The following GRIA4 variants were observed in gnomAD, a reference collection of about 807,000 sequenced individuals.
The protein encoded by GRIA4 is glutamate receptor 4.
In GRIA4, 34 loss-of-function variants were observed where a neutral mutation model predicts 104.0. The observed-to-expected ratio is 0.33, with a 90% CI of 0.25 to 0.44. GRIA4 has a LOEUF of 0.44. Among genes scored for constraint, GRIA4 ranks in the 20% least tolerant of loss-of-function variants. The probability of loss-of-function intolerance (pLI) is 1.00; values close to 1 mark genes in which losing one functional copy is unlikely to be tolerated. For synonymous variants in GRIA4, 386 were observed against 381.9 expected, an observed-to-expected ratio of 1.01 and a Z score of -0.13; for missense variants, 750 against 1,096.5, an observed-to-expected ratio of 0.68 and a Z score of 4.46.
At chr11:105,912,629 A>G (rs938896048) in intron 10 of GRIA4, 76 of 627,172 alleles carry the variant, frequency 1.2e-4, no homozygotes, top group Non-Finnish European at 1.3e-4. Context: ...TCAAAATAGT[A>G]TAATACTAGT....
chr11:105,667,725 G>T (rs1233051176), intron 3 of GRIA4, among the ~76,000 whole-genome samples: 1 of 151,848 alleles, frequency 6.6e-6, no homozygotes, highest in Non-Finnish European at 1.5e-5. Context: ...TGTATTTAAA[G>T]TACACAGCTG....
At chr11:105,767,878 C>T (rs1385691389) in intron 4 of GRIA4, among the ~76,000 whole-genome samples, 1 of 152,082 alleles carries the variant, frequency 6.6e-6, no homozygotes, top group African/African-American at 2.4e-5. Context: ...AATCTGTGCC[C>T]TTAACCACAA....
intron 3 of GRIA4, among the ~76,000 whole-genome samples, chr11:105,643,135 A>G (rs577982949): frequency 6.6e-6 from 1 of 152,150 alleles, no homozygotes; most frequent in Admixed American, 6.6e-5. Flanking sequence ...TCCCATGACA[A>G]GTGGAGATTA....
At chr11:105,953,283 T>C (rs780747239) in intron 14 of GRIA4, among the ~76,000 whole-genome samples, 3 of 152,244 alleles carry the variant, frequency 2.0e-5, no homozygotes, top group Admixed American at 6.5e-5. Context: ...TCTTGATTAA[T>C]AAAATAGTCA....
intron 3 of GRIA4, among the ~76,000 whole-genome samples, chr11:105,630,480 C>T (rs1951006587): frequency 6.6e-6 from 1 of 152,118 alleles, no homozygotes; most frequent in Non-Finnish European, 1.5e-5. Flanking sequence ...AGGAGAATCG[C>T]TTGAACCTGG....
At chr11:105,921,757 A>G (rs906160006) in intron 11 of GRIA4, among the ~76,000 whole-genome samples, 14 of 152,240 alleles carry the variant, frequency 9.2e-5, no homozygotes, top group African/African-American at 2.9e-4. Flanking sequence ...ATGTGAAAGG[A>G]GGCATTTCAA....
At chr11:105,723,006 A>C (rs1937936894) in intron 3 of GRIA4, among the ~76,000 whole-genome samples, 1 of 152,108 alleles carries the variant, frequency 6.6e-6, no homozygotes, top group South Asian at 2.1e-4. Flanking sequence ...GTGATAATGA[A>C]AATCAGTTTT....
At chr11:105,724,282 C>T (rs552759703) in intron 3 of GRIA4, among the ~76,000 whole-genome samples, 1 of 151,606 alleles carries the variant, frequency 6.6e-6, no homozygotes, top group Admixed American at 6.6e-5. Context: ...GAATCAATAA[C>T]CTAAGTGTCC....
chr11:105,726,851 G>A (rs1448040837), intron 3 of GRIA4, among the ~76,000 whole-genome samples: 1 of 151,898 alleles, frequency 6.6e-6, no homozygotes, highest in Non-Finnish European at 1.5e-5. Flanking sequence ...TTAAAAAAAA[G>A]GACAACCAAG....
chr11:105,801,081 G>A (rs1049501599), intron 4 of GRIA4, among the ~76,000 whole-genome samples: 3 of 151,642 alleles, frequency 2.0e-5, no homozygotes, highest in African/African-American at 7.3e-5. Context: ...GAGCTATTTT[G>A]TTCAGGAAAA....
chr11:105,697,196 T>G (rs1473666346), intron 3 of GRIA4, among the ~76,000 whole-genome samples: 1 of 152,136 alleles, frequency 6.6e-6, no homozygotes, highest in African/African-American at 2.4e-5. Flanking sequence ...GTGTGACTGT[T>G]TTGGTGGTAT....
intron 4 of GRIA4, among the ~76,000 whole-genome samples, chr11:105,815,085 C>T (rs1189192617): frequency 6.6e-6 from 1 of 152,176 alleles, no homozygotes; most frequent in Non-Finnish European, 1.5e-5. Flanking sequence ...AGGGCTACCA[C>T]TAGCCCTTTT....
At chr11:105,854,944 GATA>G (rs552132661) in intron 4 of GRIA4, among the ~76,000 whole-genome samples, 1 of 152,150 alleles carries the variant, frequency 6.6e-6, no homozygotes, top group South Asian at 2.1e-4. Flanking sequence ...TTATGGTGGG[GATA>G]ATATCTACTT....
chr11:105,622,314 T>C (rs982930967), intron 3 of GRIA4, among the ~76,000 whole-genome samples: 3 of 151,892 alleles, frequency 2.0e-5, no homozygotes, highest in Non-Finnish European at 4.4e-5. Context: ...CTAACTCTTC[T>C]GGAATTTATT....
rs1170020822 is a variant in GRIA4 at position 105,981,767 on chromosome 11, TC to T, written c.*2030del. On this transcript the variant is annotated 3_prime_UTR_variant, in exon 17 of 17. Transcript: ENST00000282499. ...ATAGACTATTTCCTCAGTGCGTAACTCCTCCCTGTCTCCTCTTTACCTGAGT... is the reference window on the plus strand; with the variant it reads ...ATAGACTATTTCCTCAGTGCGTAACTCTCCCTGTCTCCTCTTTACCTGAGT... The T allele has an allele frequency of 6.6e-6, 1 of 152,544 alleles. No individual in the cohort carries two copies. Among genetic ancestry groups the T allele is most frequent in the East Asian group, 1.9e-4 (1 of 5,176 alleles). 9.4% of individuals were successfully genotyped at this position (152,544 alleles called of 1,614,324 possible). A position where few individuals can be genotyped will look rare whatever the true frequency, so the allele number is the denominator to read the frequency against.
intron 3 of GRIA4, among the ~76,000 whole-genome samples, chr11:105,700,646 A>G (rs1953455266): frequency 6.6e-6 from 1 of 152,124 alleles, no homozygotes; most frequent in Non-Finnish European, 1.5e-5. Flanking sequence ...AAATTGGGAT[A>G]TTATCTTTAA....
chr11:105,658,857 G>A (rs997592344), intron 3 of GRIA4, among the ~76,000 whole-genome samples: 7 of 151,774 alleles, frequency 4.6e-5, no homozygotes, highest in East Asian at 3.9e-4. Context: ...ATAGGTAGGC[G>A]ATTAGAACTC....
chr11:105,747,121 G>A (rs556312778), intron 3 of GRIA4, among the ~76,000 whole-genome samples: 20 of 152,142 alleles, frequency 1.3e-4, no homozygotes, highest in African/African-American at 4.6e-4. Context: ...CAATTTCTAG[G>A]AACTCATAAA....
At chr11:105,743,015 G>A (rs1440306703) in intron 3 of GRIA4, among the ~76,000 whole-genome samples, 1 of 152,120 alleles carries the variant, frequency 6.6e-6, no homozygotes, top group Non-Finnish European at 1.5e-5. Flanking sequence ...GGGATTACCG[G>A]CATGAGCCCT....
Sources: allele counts gnomAD v4.1 joint callset (sites outside exome capture counted in the v4.1 genomes callset), GRCh38; gene constraint gnomAD v4.1.1; transcripts MANE v1.5; gene names NCBI Gene and HGNC (gene_info 2026-07-23, HGNC 2026-07-21).